ZSCAN5A: variants seen among roughly 807,000 people sequenced by gnomAD.
ZSCAN5A encodes the protein zinc finger and SCAN domain-containing protein 5A.
In ZSCAN5A, 12 loss-of-function variants were observed where a neutral mutation model predicts 23.7. The ratio of observed to expected loss-of-function variants is 0.51; its 90% CI spans 0.32 to 0.82. ZSCAN5A has a LOEUF of 0.82. Ranked by LOEUF, ZSCAN5A falls within the 40% of genes least tolerant of loss-of-function variation. ZSCAN5A has a pLI of 0.03. For synonymous variants in ZSCAN5A, 257 were observed against 239.9 expected, an observed-to-expected ratio of 1.07 and a Z score of -0.66; for missense variants, 597 against 617.9, an observed-to-expected ratio of 0.97 and a Z score of 0.36.
chr19:56,243,162 G>C (rs2035563581), intron 2 of ZSCAN5A, among the ~76,000 whole-genome samples: 1 of 128,282 alleles, frequency 7.8e-6, no homozygotes, highest in African/African-American at 2.9e-5. Flanking sequence ...ATGAGATTAG[G>C]AATAGAGAAA....
intron 2 of ZSCAN5A, among the ~76,000 whole-genome samples, chr19:56,290,358 G>C (rs565881795): frequency 2.0e-5 from 3 of 152,342 alleles, no homozygotes; most frequent in African/African-American, 7.2e-5. Flanking sequence ...TGGCAGAGCT[G>C]CATAGTTGTG....
chr19:56,270,078 C>T (rs374335618), intron 2 of ZSCAN5A, among the ~76,000 whole-genome samples: 15 of 151,670 alleles, frequency 9.9e-5, no homozygotes, highest in East Asian at 5.8e-4. Flanking sequence ...GGTTTTTTGC[C>T]GTCTCCAGGT....
At position 56,346,865 on chromosome 19, in the gene ZSCAN5A, C is replaced by T. The variant is rs1391231980; in HGVS notation, c.-358+16370G>A. 2.0e-5 allele frequency among the ~76,000 whole-genome samples: 3 copies of T among 152,216 alleles called. No individual in the cohort carries two copies. The East Asian group carries it at 5.8e-4, about 29-fold the overall frequency. On this transcript the variant is annotated intron_variant, in intron 2 of 6. Transcript: ENST00000587340. ...GCCTCGGCCTCCCGAGTAGCTGGGA[C>T]TACAGGCACCTGCTACCATGCCCGG...
chr19:56,330,497 G>A (rs1568755189), intron 2 of ZSCAN5A, among the ~76,000 whole-genome samples: 1 of 151,746 alleles, frequency 6.6e-6, no homozygotes, highest in African/African-American at 2.4e-5. Context: ...AGCATCTCTT[G>A]TTTTTTTTAC....
At chr19:56,330,846 T>C (rs151097842) in intron 2 of ZSCAN5A, among the ~76,000 whole-genome samples, 382 of 152,312 alleles carry the variant, frequency 2.5e-3, no homozygotes, top group Non-Finnish European at 4.6e-3. Context: ...TTTGTTGCAA[T>C]AGCTTTTGAG....
At chr19:56,243,783 G>A (rs66989665) in intron 2 of ZSCAN5A, among the ~76,000 whole-genome samples, 15,751 of 152,096 alleles carry the variant, frequency 0.1, 868 homozygotes, top group South Asian at 0.18. Context: ...CAGCGGAAGA[G>A]TAACAGGGTG....
chr19:56,322,433 CCCA>C, intron 2 of ZSCAN5A: 1 of 590,484 alleles, frequency 1.7e-6, no homozygotes, highest in East Asian at 2.9e-5. Context: ...ACCCCGCAAC[CCCA>C]CCATCAGAGC....
chr19:56,250,955 C>T (rs540263991), intron 2 of ZSCAN5A, among the ~76,000 whole-genome samples: 2 of 152,224 alleles, frequency 1.3e-5, no homozygotes, highest in African/African-American at 2.4e-5. Flanking sequence ...TCAAGACCAT[C>T]CTGGCTAACA....
chr19:56,247,028 A>G (rs758778824), intron 2 of ZSCAN5A: 6 of 951,526 alleles, frequency 6.3e-6, no homozygotes, highest in South Asian at 1.3e-5. Flanking sequence ...AGTCACCCCA[A>G]TGGCCAAGAA....
intron 2 of ZSCAN5A, among the ~76,000 whole-genome samples, chr19:56,248,829 C>T (rs944235844): frequency 3.3e-5 from 5 of 152,166 alleles, no homozygotes; most frequent in African/African-American, 1.2e-4. Flanking sequence ...AGCCTCTCCC[C>T]GCCCAGCATC....
chr19:56,253,320 G>T (rs547954573), intron 2 of ZSCAN5A, among the ~76,000 whole-genome samples: 1 of 151,932 alleles, frequency 6.6e-6, no homozygotes, highest in South Asian at 2.1e-4. Flanking sequence ...AACAGAAGGT[G>T]GGCAGGGAGG....
At position 56,301,943 on chromosome 19, in the gene ZSCAN5A, C is replaced by G. The variant is rs546564885; in HGVS notation, c.-128+11340G>C. On this transcript the variant is annotated intron_variant, in intron 2 of 5. Transcript: ENST00000683990. ...GGCAGGAAGGGAAGGCCATCAGCAT[C>G]AATCATCTCCACGGTTCTCTCCAGT... is the stretch of plus-strand genomic sequence containing the variant. 3.2e-6 allele frequency: 4 copies of G among 1,232,054 alleles called. No individual in the cohort carries two copies. The South Asian group carries it at 1.6e-4, about 51-fold the overall frequency. 76.3% of individuals were successfully genotyped at this position (1,232,054 alleles called of 1,614,324 possible). A position where few individuals can be genotyped will look rare whatever the true frequency, so the allele number is the denominator to read the frequency against.
At position 56,221,439 on chromosome 19, in the gene ZSCAN5A, A is replaced by C. The variant is rs189379942; in HGVS notation, c.*136T>G. Reference sequence around the variant, plus strand: ...GGGGAGGACACATATTTACTCAAACATCCTGGCAATTCATATCTAGGGCAC... The same window carrying C: ...GGGGAGGACACATATTTACTCAAACCTCCTGGCAATTCATATCTAGGGCAC... On this transcript the variant is annotated 3_prime_UTR_variant, in exon 6 of 6. Transcript: ENST00000683990. The C allele has an allele frequency of 9.7e-4, 1,036 of 1,064,736 alleles. 1 individual carries two copies. The highest frequency in any genetic ancestry group is 1.2e-3 in the Admixed American group (46 of 37,916). 66.0% of individuals were successfully genotyped at this position (1,064,736 alleles called of 1,614,324 possible). A position where few individuals can be genotyped will look rare whatever the true frequency, so the allele number is the denominator to read the frequency against.
intron 2 of ZSCAN5A, among the ~76,000 whole-genome samples, chr19:56,239,132 T>C (rs1031327050): frequency 7.2e-5 from 11 of 152,214 alleles, no homozygotes; most frequent in Non-Finnish European, 1.5e-4. Context: ...AATAATTCCC[T>C]GGTTCTATTC....
At chr19:56,364,894 A>C (rs2041755617) in intron 1 of ZSCAN5A, 1 of 152,194 alleles carries the variant, frequency 6.6e-6, no homozygotes, top group South Asian at 2.1e-4. Flanking sequence ...GGTTCTTCTA[A>C]GGGGGTGATG....
intron 2 of ZSCAN5A, among the ~76,000 whole-genome samples, chr19:56,240,547 C>A (rs2035352002): frequency 2.6e-5 from 4 of 152,082 alleles, no homozygotes; most frequent in Admixed American, 2.6e-4. Context: ...GGTAAGTGTC[C>A]AGAGGCCATG....
At chr19:56,278,940 C>T (rs1417252959) in intron 2 of ZSCAN5A, among the ~76,000 whole-genome samples, 6 of 152,222 alleles carry the variant, frequency 3.9e-5, no homozygotes, top group Non-Finnish European at 8.8e-5. Context: ...GGTGCTCACC[C>T]ACCGTGAGGG....
chr19:56,235,110 C>A (rs74182592), intron 2 of ZSCAN5A, among the ~76,000 whole-genome samples: 5 of 92,750 alleles, frequency 5.4e-5, no homozygotes, highest in Admixed American at 3.6e-4. Flanking sequence ...GTGGGCCAAG[C>A]CTCCACTCCA....
chr19:56,361,466 C>T (rs1340147614), intron 2 of ZSCAN5A, among the ~76,000 whole-genome samples: 1 of 152,156 alleles, frequency 6.6e-6, no homozygotes, highest in Non-Finnish European at 1.5e-5. Flanking sequence ...AAATGCCCAT[C>T]AGTGATAGAC....
Sources: gnomAD v4.1 joint callset for allele counts (sites outside exome capture counted in the v4.1 genomes callset) on GRCh38, gnomAD v4.1.1 for gene constraint, MANE v1.5 for transcripts, NCBI Gene and HGNC (gene_info 2026-07-23, HGNC 2026-07-21) for gene names.